Variants in U2SURP observed in about 807,000 individuals in gnomAD.
The protein encoded by U2SURP is U2 snRNP-associated SURP motif-containing protein.
A neutral mutation model predicts 144.9 loss-of-function variants in U2SURP; 9 were observed. The observed-to-expected ratio is 0.06, with a 90% CI of 0.04 to 0.11. The LOEUF (loss-of-function observed/expected upper bound fraction) is 0.11. Among genes scored for constraint, U2SURP ranks in the 10% least tolerant of loss-of-function variants. U2SURP has a pLI of 1.00. For synonymous variants in U2SURP, 408 were observed against 396.8 expected, an observed-to-expected ratio of 1.03 and a Z score of -0.33; for missense variants, 724 against 1,226.7, an observed-to-expected ratio of 0.59 and a Z score of 6.12.
chr3:143,016,602 GTTCCT>G (rs1936378957), intron 5 of U2SURP, among the ~76,000 whole-genome samples: 1 of 152,074 alleles, frequency 6.6e-6, no homozygotes, highest in Non-Finnish European at 1.5e-5. Flanking sequence ...AACATATTTA[GTTCCT>G]TTCAAGTTTT....
chr3:143,056,417 G>A lies in U2SURP; in HGVS notation c.3057G>A (p.Arg1019=), dbSNP rs1196973913. 7.4e-6 allele frequency: 12 copies of A among 1,612,750 alleles called. No homozygotes were observed. The highest frequency in any genetic ancestry group is 1.3e-5 in the African/African-American group (1 of 74,886). ...GATCCCAGTCCAGATCTCCACACAG[G>A]TCTCATAAAAAGTCAAAGAAAAACA... The part of the protein sequence containing the change: ...KSRSQSRSPH[R]SHKKSKKNKH The change falls in exon 28 of 28, where the codon AGG becomes AGA. Residue 1019 remains arginine (R), a synonymous_variant. Transcript: ENST00000473835.
intron 24 of U2SURP, among the ~76,000 whole-genome samples, chr3:143,048,781 T>C (rs1241199815): frequency 2.6e-5 from 4 of 151,736 alleles, no homozygotes; most frequent in African/African-American, 9.7e-5. Flanking sequence ...GCAGGAGAAT[T>C]GCTTGAACCT....
chr3:143,031,470 C>G (rs1367753413), intron 16 of U2SURP, among the ~76,000 whole-genome samples: 7 of 151,342 alleles, frequency 4.6e-5, no homozygotes, highest in African/African-American at 1.5e-4. Context: ...TACCACCACC[C>G]TGATCAGTTG....
At chr3:143,028,226 TTTTG>T (rs2108290245) in intron 14 of U2SURP, 110 bp from the exon 15 acceptor site, 1 of 1,248,004 alleles carries the variant, frequency 8.0e-7, no homozygotes, top group Non-Finnish European at 1.1e-6. Flanking sequence ...GGATCTTTGT[TTTTG>T]TTTTATTTAG....
At chr3:143,027,424 T>G (rs1266108328) in intron 14 of U2SURP, among the ~76,000 whole-genome samples, 171 bp downstream of exon 14, 1 of 152,188 alleles carries the variant, frequency 6.6e-6, no homozygotes, top group East Asian at 1.9e-4. Flanking sequence ...TCTTTACCTG[T>G]GTAGCAGTAA....
At chr3:143,037,389 ACT>A (rs1314076725) in intron 21 of U2SURP, 54 bp downstream of exon 21, 2 of 1,529,674 alleles carry the variant, frequency 1.3e-6, no homozygotes, top group Non-Finnish European at 1.8e-6. Flanking sequence ...GGTGACCAAA[ACT>A]CTAATTTCCA....
chr3:143,026,397 T>A (rs1432166230), intron 13 of U2SURP: 2 of 152,160 alleles, frequency 1.3e-5, no homozygotes, highest in Non-Finnish European at 2.9e-5. Flanking sequence ...CTCCATTCAC[T>A]TAAGGCTTTG....
At chr3:143,034,212 TGG>T (rs1933677696) in intron 18 of U2SURP, among the ~76,000 whole-genome samples, 1 of 152,194 alleles carries the variant, frequency 6.6e-6, no homozygotes, top group Admixed American at 6.5e-5. Flanking sequence ...GAGACCACCC[TGG>T]CCAACGTGGT....
intron 14 of U2SURP, among the ~76,000 whole-genome samples, 200 bp downstream of exon 14, chr3:143,027,453 C>T (rs563095248): frequency 3.3e-5 from 5 of 152,208 alleles, no homozygotes; most frequent in South Asian, 2.1e-4. Flanking sequence ...TCTTCTAGCC[C>T]GTTAGCCCCG....
chr3:143,048,283 A>G lies in U2SURP; in HGVS notation c.2545-2656A>G, dbSNP rs538659031. ...CAGTTAGACTGTATCAGCAGGAACT[A>G]TAAGTAGGGATTGTATAGTGATTTT... is the stretch of plus-strand genomic sequence containing the variant. On this transcript the variant is annotated intron_variant, in intron 24 of 27. Transcript: ENST00000473835. Among the ~76,000 whole-genome samples the G allele has an allele frequency of 5.9e-5, 9 of 152,340 alleles. No individual in the cohort carries two copies. In the South Asian group the frequency reaches 1.4e-3, roughly 25 times the overall value.
intron 19 of U2SURP, among the ~76,000 whole-genome samples, chr3:143,035,537 A>G (rs1467502417): frequency 6.6e-6 from 1 of 152,204 alleles, no homozygotes; most frequent in Non-Finnish European, 1.5e-5. Context: ...TTTGACCATA[A>G]GTTAGAATTT....
At chr3:143,010,998 GCCTT>G (rs1936095204) in intron 2 of U2SURP, 139 bp downstream of exon 2, 4 of 582,696 alleles carry the variant, frequency 6.9e-6, no homozygotes, top group African/African-American at 3.9e-5. Context: ...TTTTCTAGGC[GCCTT>G]CCTTTTTTTT....
rs536634806 is a variant in U2SURP, at chr3:143,032,454, A to T, written c.1611-330A>T. 2.0e-5 allele frequency among the ~76,000 whole-genome samples: 3 copies of T among 152,352 alleles called. No homozygotes were observed. In the East Asian group the frequency reaches 5.8e-4, roughly 29 times the overall value. On this transcript the variant is annotated intron_variant, in intron 16 of 27. Transcript: ENST00000473835. Reference sequence around the variant, plus strand: ...TAATAGACTTCCTTCAAAGAAGGGGAGTAAAGAACATGAAAGTTCTTCAGT... The same window carrying T: ...TAATAGACTTCCTTCAAAGAAGGGGTGTAAAGAACATGAAAGTTCTTCAGT...
At position 143,049,248 on chromosome 3, in the gene U2SURP, A is replaced by G. The variant is rs181575814; in HGVS notation, c.2545-1691A>G. Among the ~76,000 whole-genome samples the G allele has an allele frequency of 3.4e-3, 464 of 138,106 alleles. 4 individuals carry two copies. The highest frequency in any genetic ancestry group is 5.5e-3 in the Non-Finnish European group (364 of 65,798). 90.6% of individuals were successfully genotyped at this position (138,106 alleles called of 152,430 possible). On this transcript the variant is annotated intron_variant, in intron 24 of 27. Transcript: ENST00000473835. The stretch of plus-strand genomic sequence containing the variant: ...GCCACTGCACTCCAGTCTGGGCAAC[A>G]GAGTAAGACTCCATCTCAAAAAAAA...
chr3:143,007,420 G>A (rs1935897590), intron 1 of U2SURP, among the ~76,000 whole-genome samples: 1 of 149,678 alleles, frequency 6.7e-6, no homozygotes, highest in African/African-American at 2.5e-5. Context: ...ACTCCCTCCA[G>A]CAGCTTTTGG....
intron 22 of U2SURP, 125 bp from the exon 23 acceptor site, chr3:143,038,768 TA>T: frequency 1.6e-6 from 1 of 609,634 alleles, no homozygotes; most frequent in South Asian, 2.3e-5. Context: ...AGAGAATTGA[TA>T]AACATAGATT....
intron 23 of U2SURP, among the ~76,000 whole-genome samples, chr3:143,042,062 T>C (rs1934145009): frequency 6.6e-6 from 1 of 152,122 alleles, no homozygotes; most frequent in African/African-American, 2.4e-5. Flanking sequence ...ATTTGGTTAA[T>C]CCTGTACTAG....
Position 143,007,314 on chromosome 3 carries a change from G to T in U2SURP, c.46-3501G>T, listed in dbSNP as rs150670429. ...TTTTTTTTTTTTTCCAGAGACAGGG[G>T]TTCTTGCTATGTTGCCCAGGCTGGT... is the stretch of plus-strand genomic sequence containing the variant. On this transcript the variant is annotated intron_variant, in intron 1 of 27. Transcript: ENST00000473835. 8.5e-3 allele frequency among the ~76,000 whole-genome samples: 1,282 copies of T among 151,068 alleles called. 21 individuals carry two copies. The highest frequency in any genetic ancestry group is 0.029 in the African/African-American group (1,210 of 41,040).
Position 143,014,929 on chromosome 3 carries a change from G to T in U2SURP, c.321+520G>T, listed in dbSNP as rs570979231. Among the ~76,000 whole-genome samples the T allele has an allele frequency of 1.2e-3, 176 of 152,040 alleles. 1 individual carries two copies. The highest frequency in any genetic ancestry group is 2.1e-3 in the Non-Finnish European group (141 of 67,894). Reference sequence around the variant, plus strand: ...ATGGATAATGTTATGCATATGTTTGGTTTTTTTGCTAGTGTTATCTTTGGG... The same window carrying T: ...ATGGATAATGTTATGCATATGTTTGTTTTTTTTGCTAGTGTTATCTTTGGG... On this transcript the variant is annotated intron_variant, in intron 4 of 27. Transcript: ENST00000473835.
Sources: gnomAD v4.1 joint callset for allele counts (sites outside exome capture counted in the v4.1 genomes callset) on GRCh38, gnomAD v4.1.1 for gene constraint, MANE v1.5 for transcripts, NCBI Gene and HGNC (gene_info 2026-07-23, HGNC 2026-07-21) for gene names.